JMJD1C: variants seen among roughly 807,000 people sequenced by gnomAD.
The protein encoded by JMJD1C is jumonji domain containing 1C, also known as jumonji domain-containing protein 1C.
Under a neutral mutation model 245.3 loss-of-function variants are expected in JMJD1C, and 31 were observed. That is an observed-to-expected ratio of 0.13 (90% CI 0.09 to 0.17). The LOEUF is 0.17. JMJD1C is among the 10% of genes least tolerant of loss of function. The probability of loss-of-function intolerance (pLI) is 1.00; values close to 1 mark genes in which losing one functional copy is unlikely to be tolerated. For synonymous variants in JMJD1C, 1,057 were observed against 1,017.4 expected (o/e 1.04, Z -0.74); for missense variants, 2,691 against 3,000.2 (o/e 0.90, Z 2.41).
In JMJD1C at chr10:63,518,436, G is replaced by A. The variant is rs368371560; in HGVS notation, n.113+3302C>T. 5.9e-5 allele frequency among the ~76,000 whole-genome samples: 9 copies of A among 152,202 alleles called. No individual in the cohort carries two copies. In the South Asian group the frequency reaches 1.2e-3, roughly 21 times the overall value. Reference sequence around the variant, plus strand: ...AATGATTTATAATAACATATATTTCGACGTGGGGCAAAACTACACTAGAAG... The same window carrying A: ...AATGATTTATAATAACATATATTTCAACGTGGGGCAAAACTACACTAGAAG... On this transcript the variant is annotated intron_variant and non_coding_transcript_variant, in intron 1 of 3. Transcript: ENST00000633035.
chr10:63,208,231 A>T lies in JMJD1C; in HGVS notation c.3438T>A (p.Pro1146=), dbSNP rs1408070554. The change falls in exon 10 of 26, where the codon CCT becomes CCA. Residue 1146 remains proline, a synonymous_variant. Coordinates refer to ENST00000399262, the MANE Select transcript of JMJD1C (RefSeq NM_032776.3). The stretch of plus-strand genomic sequence containing the variant: ...CTGGTTGGTGTTTAATCAAAGGTGG[A>T]GGCTTTGAAAGAGATGTTATAAATG... The part of the protein sequence containing the change: ...LTSFITSLSK[P]PPLIKHQPES... 6.2e-7 allele frequency: 1 copy of T among 1,613,872 alleles called. No individual in the cohort carries two copies. Among genetic ancestry groups the T allele is most frequent in the Non-Finnish European group, 8.5e-7 (1 of 1,179,840 alleles).
chr10:63,484,799 T>C (rs1953942989), intron 1 of JMJD1C, among the ~76,000 whole-genome samples: 1 of 152,048 alleles, frequency 6.6e-6, no homozygotes, highest in African/African-American at 2.4e-5. Context: ...ATTAATGACA[T>C]ATTTCTGACA....
At chr10:63,270,824 T>C (rs1400851647) in intron 2 of JMJD1C, among the ~76,000 whole-genome samples, 1 of 152,172 alleles carries the variant, frequency 6.6e-6, no homozygotes, top group African/African-American at 2.4e-5. Flanking sequence ...AGACTGACTT[T>C]GGCTACTCAA....
rs1178414792 is a variant in JMJD1C, at chr10:63,492,832, A to G, written n.113+28906T>C. Among the ~76,000 whole-genome samples, 5 of 152,230 alleles carry G rather than the reference A, an allele frequency of 3.3e-5. No homozygotes were observed. In the East Asian group the frequency reaches 9.6e-4, roughly 29 times the overall value. ...AGTGGCAAGTTCAAAGTGTGGATGC[A>G]GGTCAAAGCAACTGAACATAATTCA... On this transcript the variant is annotated intron_variant and non_coding_transcript_variant, in intron 1 of 3. Transcript: ENST00000633035.
At chr10:63,420,077 A>C (rs1013543872) in intron 1 of JMJD1C, among the ~76,000 whole-genome samples, 1 of 151,742 alleles carries the variant, frequency 6.6e-6, no homozygotes, top group Non-Finnish European at 1.5e-5. Context: ...CAGAAGCTGC[A>C]GTGAGCCGAG....
At chr10:63,299,372 T>G (rs1023624971) in intron 2 of JMJD1C, among the ~76,000 whole-genome samples, 10 of 150,638 alleles carry the variant, frequency 6.6e-5, no homozygotes, top group African/African-American at 2.2e-4. Context: ...TTTTTTTTTT[T>G]GTAGAGATGA....
rs568979301 is a variant in JMJD1C at position 63,412,651 on chromosome 10, T to C, written c.169-32169A>G. 6.6e-5 allele frequency among the ~76,000 whole-genome samples: 10 copies of C among 152,354 alleles called. No homozygotes were observed. In the East Asian group the frequency reaches 1.9e-3, roughly 29 times the overall value. The stretch of plus-strand genomic sequence containing the variant: ...TATGTTTGTTTATATTTCTCTCTAC[T>C]GTAAATAGTGCCATGTCACGTCTCT... On this transcript the variant is annotated intron_variant, in intron 1 of 25. Transcript: ENST00000399262.
At chr10:63,191,921 T>C (rs1844854413) in intron 16 of JMJD1C, among the ~76,000 whole-genome samples, 1 of 131,360 alleles carries the variant, frequency 7.6e-6, no homozygotes, top group African/African-American at 2.9e-5. Flanking sequence ...AAGTCAGAGG[T>C]TGCAGTGAGC....
intron 22 of JMJD1C, 23 bp downstream of exon 22, chr10:63,183,424 A>C: frequency 1.3e-6 from 2 of 1,591,620 alleles, no homozygotes; most frequent in Non-Finnish European, 1.7e-6. Context: ...TATTTCAAAG[A>C]CTACTTATTC....
In JMJD1C at chr10:63,208,144, T is replaced by C. The variant is rs761831844; in HGVS notation, c.3525A>G (p.Ser1175=). The C allele has an allele frequency of 1.2e-6, 2 of 1,614,208 alleles. No individual in the cohort carries two copies. Among genetic ancestry groups the C allele is most frequent in the South Asian group, 2.2e-5 (2 of 91,086 alleles). ...EHLPHQIASH[S]VTTFRNDCRS... ...TACAATCATTTCTGAAGGTTGTTAC[T>C]GAGTGAGATGCAATCTGATGTGGAA... Residue 1175 remains serine (S), a synonymous_variant, in exon 10 of 26, where the codon TCA becomes TCG. Coordinates refer to ENST00000399262, the MANE Select transcript of JMJD1C (RefSeq NM_032776.3).
chr10:63,412,180 T>C (rs577883713), intron 1 of JMJD1C, among the ~76,000 whole-genome samples: 1 of 152,236 alleles, frequency 6.6e-6, no homozygotes, highest in South Asian at 2.1e-4. Flanking sequence ...TGACTCCCCA[T>C]AAAATTAACT....
At chr10:63,190,807 T>G in intron 17 of JMJD1C, 87 bp downstream of exon 17, 1 of 930,520 alleles carries the variant, frequency 1.1e-6, no homozygotes. Context: ...TTCATCAGCA[T>G]ACTGGGTAGT....
Position 63,184,735 on chromosome 10 carries a change from G to C in JMJD1C, c.6834C>G (p.Tyr2278Ter), listed in dbSNP as rs140575344. ...EDFKTMMPARYEDLLKSLPLP... is the reference protein window; with the variant it reads ...EDFKTMMPAR ...ATGGCAGACTTTTTAAAAGATCTTCGTATCTGAAGAAAAACAACATTGCCT... is the reference window on the plus strand; with the variant it reads ...ATGGCAGACTTTTTAAAAGATCTTCCTATCTGAAGAAAAACAACATTGCCT... The change falls in exon 21 of 26, where the codon TAC (tyrosine) becomes TAG (stop). Residue 2278 changes from tyrosine to a stop codon, truncating the protein, a stop_gained. Transcript: ENST00000399262. LOFTEE classifies it high-confidence loss of function. 1 of 1,602,532 alleles carries C rather than the reference G, an allele frequency of 6.2e-7. No homozygotes were observed. Among genetic ancestry groups the C allele is most frequent in the East Asian group, 2.2e-5 (1 of 44,802 alleles).
chr10:63,196,768 G>C (rs1845507369), intron 13 of JMJD1C, among the ~76,000 whole-genome samples: 3 of 152,046 alleles, frequency 2.0e-5, no homozygotes, highest in African/African-American at 7.2e-5. Context: ...AATTGCCTTG[G>C]ATAATCTTTC....
chr10:63,174,709 T>C (rs1290396377), intron 24 of JMJD1C, among the ~76,000 whole-genome samples: 1 of 152,066 alleles, frequency 6.6e-6, no homozygotes, highest in African/African-American at 2.4e-5. Context: ...GGTGCATGCC[T>C]GTAATCCGCA....
chr10:63,295,024 T>C (rs1184423095), intron 2 of JMJD1C, among the ~76,000 whole-genome samples: 3 of 121,080 alleles, frequency 2.5e-5, no homozygotes, highest in African/African-American at 5.5e-5. Flanking sequence ...GGTCATCAAA[T>C]TTAAAAAACA....
At chr10:63,292,144 A>ATTTTTTTTTTTCTTTTTTTTTTT (rs1858841144) in intron 2 of JMJD1C, among the ~76,000 whole-genome samples, 1 of 56,326 alleles carries the variant, frequency 1.8e-5, no homozygotes, top group African/African-American at 7.4e-5. Context: ...GTAGAGACAG[A>ATTTTTTTTTTTCTTTTTTTTTTT]TTTTTTTTTT....
intron 5 of JMJD1C, among the ~76,000 whole-genome samples, chr10:63,216,408 T>C (rs1275267094): frequency 6.6e-6 from 1 of 152,142 alleles, no homozygotes; most frequent in African/African-American, 2.4e-5. Flanking sequence ...ACTTTCAGAC[T>C]GGTACTTAAA....
chr10:63,224,755 C>T (rs548155195), intron 3 of JMJD1C, among the ~76,000 whole-genome samples: 8 of 152,076 alleles, frequency 5.3e-5, no homozygotes, highest in Non-Finnish European at 1.0e-4. Flanking sequence ...GCCTTGAGCT[C>T]GTGTGAGATT....
Sources: gnomAD v4.1 joint callset for allele counts (sites outside exome capture counted in the v4.1 genomes callset) on GRCh38, gnomAD v4.1.1 for gene constraint, MANE v1.5 for transcripts, NCBI Gene and HGNC (gene_info 2026-07-23, HGNC 2026-07-21) for gene names.